Variants in EIF4ENIF1 observed in about 807,000 individuals in gnomAD.
EIF4ENIF1 encodes the protein eukaryotic translation initiation factor 4E nuclear import factor 1, also known as eukaryotic translation initiation factor 4E transporter.
EIF4ENIF1 carries 23 observed loss-of-function variants against 110.5 expected under a neutral mutation model. That is an observed-to-expected ratio of 0.21 (90% CI 0.15 to 0.29). EIF4ENIF1 has a LOEUF of 0.29. EIF4ENIF1 is among the 10% of genes least tolerant of loss of function. The probability of loss-of-function intolerance (pLI) is 1.00; values close to 1 mark genes in which losing one functional copy is unlikely to be tolerated. For synonymous variants in EIF4ENIF1, 440 were observed against 437.0 expected, an observed-to-expected ratio of 1.01 and a Z score of -0.09; for missense variants, 1,031 against 1,221.1, an observed-to-expected ratio of 0.84 and a Z score of 2.32.
At chr22:31,460,887 G>A (rs1176960850) in intron 6 of EIF4ENIF1, among the ~76,000 whole-genome samples, 2 of 152,172 alleles carry the variant, frequency 1.3e-5, no homozygotes, top group South Asian at 2.1e-4. Flanking sequence ...GGAGTTTGCC[G>A]TGAGCTAAGA....
In EIF4ENIF1 at chr22:31,463,719, T is replaced by C; in HGVS notation, c.547A>G (p.Arg183Gly). The C allele has an allele frequency of 1.2e-6, 2 of 1,613,380 alleles. No individual in the cohort carries two copies. The highest frequency in any genetic ancestry group is 1.7e-6 in the Non-Finnish European group (2 of 1,179,902). ...SDKDLRDLRD[R>G]DRERDFKDKR... ...TCCTTGAAGTCCCTCTCTCGGTCTC[T>C]GTCTCTCAAGTCCCGCAGGTCCTTA... Residue 183 changes from arginine to glycine, a missense_variant, in exon 5 of 19, where the codon AGA (arginine) becomes GGA (glycine). By Grantham distance (125) the Arg-to-Gly change is moderately radical. Around this residue, in one of 3 missense-constraint regions of EIF4ENIF1, gnomAD observed 704 missense variants for 879.7 expected, o/e 0.80. Transcript: ENST00000330125.
At chr22:31,474,485 A>AT (rs2051500410) in intron 2 of EIF4ENIF1, among the ~76,000 whole-genome samples, 1 of 144,906 alleles carries the variant, frequency 6.9e-6, no homozygotes, top group African/African-American at 2.5e-5. Flanking sequence ...TCAACATGCC[A>AT]TCTTTTTTTT....
intron 10 of EIF4ENIF1, chr22:31,450,845 ACAC>A (rs1293472325): frequency 3.0e-4 from 2 of 6,622 alleles, no homozygotes; most frequent in Non-Finnish European, 3.9e-4. Context: ...TATATATACT[ACAC>A]ACACACACAC....
chr22:31,477,427 G>A (rs1601638780), intron 2 of EIF4ENIF1, among the ~76,000 whole-genome samples: 1 of 145,934 alleles, frequency 6.9e-6, no homozygotes, highest in South Asian at 2.2e-4. Context: ...CAAAGTTAAT[G>A]TTTTGTTCAA....
At chr22:31,489,511 C>G (rs1439980658) in intron 1 of EIF4ENIF1, 183 bp downstream of exon 1, 2 of 150,132 alleles carry the variant, frequency 1.3e-5, no homozygotes, top group African/African-American at 4.9e-5. Context: ...CCCCGCCAGC[C>G]AGCCCGCCGG....
intron 3 of EIF4ENIF1, among the ~76,000 whole-genome samples, chr22:31,470,402 T>A (rs2051334727): frequency 6.6e-6 from 1 of 151,490 alleles, no homozygotes; most frequent in African/African-American, 2.4e-5. Context: ...TGCCTCAGCC[T>A]CCCGAGTAGC....
Position 31,477,357 on chromosome 22 carries a change from C to CAAA in EIF4ENIF1, c.97-5443_97-5441dup, listed in dbSNP as rs749894840. ...GGCAACAGAACAAGACCTCTGTCTC[C>CAAA]AAAAAAAAAAAAAAAAACAAAAAAA... On this transcript the variant is annotated intron_variant, in intron 2 of 18. Transcript: ENST00000330125. 1.2e-3 allele frequency among the ~76,000 whole-genome samples: 55 copies of CAAA among 46,766 alleles called. 1 individual carries two copies. Among genetic ancestry groups the CAAA allele is most frequent in the East Asian group, 3.2e-3 (3 of 948 alleles). 30.7% of individuals were successfully genotyped at this position (46,766 alleles called of 152,430 possible). A position where few individuals can be genotyped will look rare whatever the true frequency, so the allele number is the denominator to read the frequency against.
chr22:31,449,622 A>G (rs2050586636), intron 11 of EIF4ENIF1, 91 bp from the exon 12 acceptor site: 1 of 1,193,846 alleles, frequency 8.4e-7, no homozygotes, highest in Non-Finnish European at 1.2e-6. Flanking sequence ...GAGCCACAAG[A>G]TGGATCTCCC....
rs777946978 is a variant in EIF4ENIF1 at position 31,488,740 on chromosome 22, C to G, written c.-22G>C. The G allele has an allele frequency of 1.9e-6, 3 of 1,609,758 alleles. No homozygotes were observed. In the Admixed American group the frequency reaches 5.1e-5, roughly 27 times the overall value. ...CCATGGCTCCTTGGTCTACAATGCTCTGCACCTGGAAGATAAATCGGCACA... is the reference window on the plus strand; with the variant it reads ...CCATGGCTCCTTGGTCTACAATGCTGTGCACCTGGAAGATAAATCGGCACA... On this transcript the variant is annotated 5_prime_UTR_variant, in exon 2 of 19. Transcript: ENST00000330125.
chr22:31,444,379 A>C, intron 15 of EIF4ENIF1: 1 of 469,520 alleles, frequency 2.1e-6, no homozygotes, highest in East Asian at 3.9e-5. Flanking sequence ...GCCCATGATC[A>C]TCTCTGCTGG....
intron 3 of EIF4ENIF1, among the ~76,000 whole-genome samples, chr22:31,468,530 G>A (rs1191247606): frequency 1.3e-5 from 2 of 152,148 alleles, no homozygotes; most frequent in Admixed American, 6.6e-5. Flanking sequence ...CAGTAGCTGG[G>A]ATTACAAGTG....
intron 2 of EIF4ENIF1, among the ~76,000 whole-genome samples, chr22:31,473,117 C>T (rs2051448329): frequency 1.4e-5 from 2 of 147,366 alleles, no homozygotes; most frequent in African/African-American, 5.0e-5. Context: ...TGATGCCTTA[C>T]TCCTAAATAC....
chr22:31,464,143 T>A, intron 4 of EIF4ENIF1, 176 bp from the exon 5 acceptor site: 1 of 714,198 alleles, frequency 1.4e-6, no homozygotes, highest in Non-Finnish European at 2.2e-6. Context: ...TAAATAAGGC[T>A]GAGACATTGG....
intron 6 of EIF4ENIF1, among the ~76,000 whole-genome samples, chr22:31,460,592 G>A (rs765795018): frequency 6.6e-6 from 1 of 150,964 alleles, no homozygotes; most frequent in Non-Finnish European, 1.5e-5. Flanking sequence ...TCGCACCACT[G>A]CACTCCAGCC....
chr22:31,483,778 T>TG (rs1313137842), intron 2 of EIF4ENIF1, among the ~76,000 whole-genome samples: 1 of 152,188 alleles, frequency 6.6e-6, no homozygotes, highest in Non-Finnish European at 1.5e-5. Context: ...TCCTTCAACA[T>TG]GATCCGATCA....
downstream of EIF4ENIF1, chr22:31,437,655 T>C (rs2050192637): frequency 6.6e-6 from 1 of 152,128 alleles, no homozygotes; most frequent in Non-Finnish European, 1.5e-5. Flanking sequence ...AAGGAAGCCT[T>C]TACTAGCAGC....
chr22:31,460,624 G>A (rs1483034383), intron 6 of EIF4ENIF1, among the ~76,000 whole-genome samples: 33 of 141,010 alleles, frequency 2.3e-4, no homozygotes, highest in African/African-American at 6.6e-4. Flanking sequence ...GCGAGACTCC[G>A]TCTCAAAAAA....
chr22:31,463,223 A>G, intron 5 of EIF4ENIF1, 90 bp from the exon 6 acceptor site: 1 of 1,280,012 alleles, frequency 7.8e-7, no homozygotes, highest in Non-Finnish European at 1.1e-6. Flanking sequence ...TCAATAGTGA[A>G]AGGAAGATAT....
intron 13 of EIF4ENIF1, 36 bp from the exon 14 acceptor site, chr22:31,447,601 T>C: frequency 1.3e-6 from 2 of 1,567,782 alleles, no homozygotes; most frequent in East Asian, 2.3e-5. Context: ...AGGAGAAGAG[T>C]AAGGACACCA....
Sources: allele counts gnomAD v4.1 joint callset (sites outside exome capture counted in the v4.1 genomes callset), GRCh38; gene constraint gnomAD v4.1.1; regional missense constraint gnomAD v4.1.1; transcripts MANE v1.5; gene names NCBI Gene and HGNC (gene_info 2026-07-23, HGNC 2026-07-21).